The following MYBPC1 variants were observed in gnomAD, a reference collection of about 807,000 sequenced individuals.
MYBPC1 encodes the protein myosin binding protein C1, also known as myosin-binding protein C, slow-type.
A neutral mutation model predicts 147.1 loss-of-function variants in MYBPC1; 52 were observed. The ratio of observed to expected loss-of-function variants is 0.35; its 90% CI spans 0.28 to 0.45. The LOEUF (loss-of-function observed/expected upper bound fraction) is 0.45. Among genes scored for constraint, MYBPC1 ranks in the 20% least tolerant of loss-of-function variants. The pLI is 1.00. For synonymous variants in MYBPC1, 477 were observed against 475.9 expected (o/e 1.00, Z -0.03); for missense variants, 1,228 against 1,440.3 (o/e 0.85, Z 2.39).
chr12:101,625,296 C>T (rs1248110448), intron 3 of MYBPC1, among the ~76,000 whole-genome samples: 1 of 151,948 alleles, frequency 6.6e-6, no homozygotes, highest in East Asian at 1.9e-4. Context: ...GTTTTACATT[C>T]ACAAGTGATG....
chr12:101,602,839 CA>C (rs753401160), intron 1 of MYBPC1, among the ~76,000 whole-genome samples: 5 of 152,166 alleles, frequency 3.3e-5, no homozygotes, highest in Non-Finnish European at 4.4e-5. Flanking sequence ...GTCTATACTC[CA>C]TGACCTCTGT....
chr12:101,667,611 G>A, intron 22 of MYBPC1, 121 bp from the exon 23 acceptor site: 2 of 1,170,610 alleles, frequency 1.7e-6, no homozygotes, highest in Admixed American at 2.0e-5. Context: ...AAGTCATAAT[G>A]TCTCTAAATG....
At chr12:101,636,965 C>T (rs993489620) in intron 10 of MYBPC1, 5 of 508,500 alleles carry the variant, frequency 9.8e-6, no homozygotes, top group African/African-American at 9.6e-5. Context: ...GACTCTTCAC[C>T]TATTTTTTTT....
intron 1 of MYBPC1, among the ~76,000 whole-genome samples, chr12:101,613,236 T>C (rs1359052715): frequency 6.6e-6 from 1 of 152,242 alleles, no homozygotes; most frequent in African/African-American, 2.4e-5. Context: ...TTCATTTTTC[T>C]ATGCTCATTC....
At chr12:101,622,450 A>T (rs1453498780) in intron 3 of MYBPC1, among the ~76,000 whole-genome samples, 1 of 152,222 alleles carries the variant, frequency 6.6e-6, no homozygotes, top group Non-Finnish European at 1.5e-5. Flanking sequence ...AAGAAAGGAA[A>T]CTGGCTGGGT....
chr12:101,631,168 A>G (rs1889805408), intron 6 of MYBPC1, among the ~76,000 whole-genome samples: 1 of 152,152 alleles, frequency 6.6e-6, no homozygotes, highest in African/African-American at 2.4e-5. Context: ...AAAAAAATTC[A>G]ATTTTTTCAT....
Position 101,604,677 on chromosome 12 carries a change from C to T in MYBPC1, c.25+9582C>T, listed in dbSNP as rs76012160. The stretch of plus-strand genomic sequence containing the variant: ...AGTAGCATGTGACACCCTGAGGGCC[C>T]AAATTATTTGCTCTTTTGAAAAATG... On this transcript the variant is annotated intron_variant, in intron 1 of 31. Transcript: ENST00000361466. 0.013 allele frequency among the ~76,000 whole-genome samples: 1,981 copies of T among 152,196 alleles called. 95 individuals carry two copies. In the East Asian group the frequency reaches 0.15, roughly 11 times the overall value.
chr12:101,678,282 A>T (rs370577811), intron 28 of MYBPC1, 44 bp downstream of exon 28: 8 of 1,607,406 alleles, frequency 5.0e-6, no homozygotes, highest in Non-Finnish European at 6.8e-6. Flanking sequence ...CCTGTCTTGT[A>T]TTTGTTGTGT....
intron 20 of MYBPC1, among the ~76,000 whole-genome samples, chr12:101,661,699 G>A (rs3794279): frequency 0.042 from 6,374 of 151,966 alleles, 347 homozygotes; most frequent in East Asian, 0.25. Context: ...GACCAGTCTG[G>A]CCAACATGGT....
chr12:101,683,346 C>G (rs1312647405), intron 30 of MYBPC1, among the ~76,000 whole-genome samples: 1 of 152,034 alleles, frequency 6.6e-6, no homozygotes, highest in Non-Finnish European at 1.5e-5. Context: ...AGGAGGATCA[C>G]TTGAATCTGG....
chr12:101,649,699 G>A (rs1894000117), intron 15 of MYBPC1, among the ~76,000 whole-genome samples: 1 of 152,112 alleles, frequency 6.6e-6, no homozygotes, highest in Non-Finnish European at 1.5e-5. Flanking sequence ...AAAAATAGGG[G>A]ATAAATACTT....
intron 3 of MYBPC1, among the ~76,000 whole-genome samples, chr12:101,617,819 G>A (rs1886484619): frequency 6.6e-6 from 1 of 152,092 alleles, no homozygotes; most frequent in Admixed American, 6.5e-5. Context: ...TATGGAGATA[G>A]TCTCATTTTA....
Position 101,651,303 on chromosome 12 carries a change from G to A in MYBPC1, c.1436G>A (p.Cys479Tyr), listed in dbSNP as rs1374824101. The A allele has an allele frequency of 6.2e-7, 1 of 1,614,144 alleles. No homozygotes were observed. Among genetic ancestry groups the A allele is most frequent in the African/African-American group, 1.3e-5 (1 of 75,038 alleles). Residue 479 changes from cysteine (C) to tyrosine (Y), a missense_variant, in exon 16 of 32, where the codon TGT becomes TAT. Around this residue, in one of 2 missense-constraint regions of MYBPC1, gnomAD observed 1,077 missense variants for 1,314.2 expected, o/e 0.82. Transcript: ENST00000361466. ...VNLGKEICLK[C>Y]EISENIPGKW... is the part of the protein sequence containing the mutation. ...CTTGGAAAAGAAATCTGCCTGAAGT[G>A]TGAAATCTCTGAAAACATACCAGGA... is the stretch of plus-strand genomic sequence containing the variant.
intron 18 of MYBPC1, among the ~76,000 whole-genome samples, chr12:101,656,854 A>G (rs11110933): frequency 0.22 from 34,074 of 152,096 alleles, 4,091 homozygotes; most frequent in Middle Eastern, 0.35. Flanking sequence ...ATTGTATATA[A>G]ATAACATCTA....
intron 19 of MYBPC1, chr12:101,660,188 G>C (rs534141458): frequency 2.8e-6 from 1 of 356,126 alleles, no homozygotes; most frequent in Non-Finnish European, 5.5e-6. Flanking sequence ...AATAAAATGA[G>C]TCTAGCAGAT....
rs74626699 is a variant in MYBPC1, at chr12:101,662,261, A to T, written c.2033-97A>T. 1,140 of 1,179,800 alleles carry T rather than the reference A, an allele frequency of 9.7e-4. 4 individuals carry two copies. Among genetic ancestry groups the T allele is most frequent in the African/African-American group, 7.5e-3 (491 of 65,264 alleles). 73.1% of individuals were successfully genotyped at this position (1,179,800 alleles called of 1,614,324 possible). Reference sequence around the variant, plus strand: ...ATATATGACTATTTCACATAGATTGATGACAAAATGCAAAATTTTAAGGAC... The same window carrying T: ...ATATATGACTATTTCACATAGATTGTTGACAAAATGCAAAATTTTAAGGAC... On this transcript the variant is annotated intron_variant, in intron 20 of 31. Transcript: ENST00000361466.
chr12:101,663,657 T>C, intron 22 of MYBPC1, 97 bp downstream of exon 22: 1 of 1,372,316 alleles, frequency 7.3e-7, no homozygotes, highest in Non-Finnish European at 1.0e-6. Context: ...ACGCATCACC[T>C]TCCTACGAAA....
chr12:101,667,956 T>C (rs1002799870), intron 23 of MYBPC1, 57 bp downstream of exon 23: 30 of 1,564,506 alleles, frequency 1.9e-5, no homozygotes, highest in Non-Finnish European at 2.4e-5. Context: ...ACTTTTTTTT[T>C]CTTCAAACTA....
rs548493870 is a variant in MYBPC1 at position 101,633,591 on chromosome 12, G to A, written c.557-963G>A. On this transcript the variant is annotated intron_variant, in intron 8 of 31. Coordinates refer to ENST00000361466, the MANE Select transcript of MYBPC1 (RefSeq NM_002465.4). ...AATCCCAGCTGCTTGGGAGGCTGAG[G>A]CAGGAGAATCGCTTGAACCGGGGAG... is the stretch of plus-strand genomic sequence containing the variant. 1.1e-4 allele frequency among the ~76,000 whole-genome samples: 16 copies of A among 151,924 alleles called. No individual in the cohort carries two copies. In the East Asian group the frequency reaches 1.6e-3, roughly 15 times the overall value.
Sources: allele counts gnomAD v4.1 joint callset (sites outside exome capture counted in the v4.1 genomes callset), GRCh38; gene constraint gnomAD v4.1.1; regional missense constraint gnomAD v4.1.1; transcripts MANE v1.5; gene names NCBI Gene and HGNC (gene_info 2026-07-23, HGNC 2026-07-21).